The following FRMPD4 variants were observed in gnomAD, a reference collection of about 807,000 sequenced individuals.
FRMPD4 encodes FERM and PDZ domain containing 4, also known as FERM and PDZ domain-containing protein 4.
Under a neutral mutation model 94.1 loss-of-function variants are expected in FRMPD4, and 22 were observed. The observed-to-expected ratio is 0.23, with a 90% CI of 0.17 to 0.33. The LOEUF is 0.33. Among genes scored for constraint, FRMPD4 ranks in the 10% least tolerant of loss-of-function variants. FRMPD4 has a pLI of 1.00. For synonymous variants in FRMPD4, 631 were observed against 548.6 expected, an observed-to-expected ratio of 1.15 and a Z score of -2.10; for missense variants, 1,111 against 1,339.9, an observed-to-expected ratio of 0.83 and a Z score of 2.67.
intron 3 of FRMPD4, among the ~76,000 whole-genome samples, chrX:12,080,116 A>G (rs766326381): frequency 8.9e-6 from 1 of 112,329 alleles, no homozygotes; most frequent in African/African-American, 3.2e-5. Flanking sequence ...AGAGGATGAT[A>G]GCATTATTTG....
intron 1 of FRMPD4, among the ~76,000 whole-genome samples, chrX:11,854,597 G>A (rs1303705147): frequency 8.9e-6 from 1 of 112,215 alleles, no homozygotes; most frequent in Non-Finnish European, 1.9e-5. Context: ...CAAAACAAAG[G>A]GGCTACAAGC....
intron 1 of FRMPD4, among the ~76,000 whole-genome samples, chrX:12,392,389 G>T (rs1023623887): frequency 2.0e-5 from 2 of 102,361 alleles, no homozygotes; most frequent in African/African-American, 7.0e-5. Context: ...GGTGGCTCAC[G>T]CCTGTAATCC....
chrX:12,592,738 G>T (rs1021618989), intron 2 of FRMPD4, among the ~76,000 whole-genome samples: 1 of 111,679 alleles, frequency 9.0e-6, no homozygotes, highest in Non-Finnish European at 1.9e-5. Context: ...CTTATTTATA[G>T]GTTGATTTAA....
chrX:12,481,704 G>C (rs1197459969), intron 1 of FRMPD4, among the ~76,000 whole-genome samples: 1 of 108,826 alleles, frequency 9.2e-6, no homozygotes. Flanking sequence ...CACTTTGGGA[G>C]GCTGAGGCGG....
intron 9 of FRMPD4, among the ~76,000 whole-genome samples, chrX:12,696,194 A>G (rs1323434025): frequency 8.9e-6 from 1 of 112,263 alleles, no homozygotes. Context: ...TGCTTAAATT[A>G]TTCTGTAAAA....
chrX:11,954,461 G>A (rs775304889), intron 3 of FRMPD4, among the ~76,000 whole-genome samples: 2 of 112,145 alleles, frequency 1.8e-5, no homozygotes, highest in Non-Finnish European at 3.8e-5. Context: ...CTAAGAGGGT[G>A]TTCACAGGTT....
chrX:12,423,391 C>T (rs2056909581), intron 1 of FRMPD4, among the ~76,000 whole-genome samples: 1 of 111,457 alleles, frequency 9.0e-6, no homozygotes, highest in Admixed American at 9.5e-5. Context: ...TAGTTCCTCC[C>T]AAAGGTCTTG....
At chrX:12,242,980 C>T (rs1018673590) in intron 1 of FRMPD4, among the ~76,000 whole-genome samples, 8 of 112,603 alleles carry the variant, frequency 7.1e-5, no homozygotes, top group Non-Finnish European at 1.3e-4. Context: ...CTCAAGCAAT[C>T]CTCCTTCCTT....
At chrX:12,053,443 G>GAGAAAGAA (rs2054836244) in intron 3 of FRMPD4, among the ~76,000 whole-genome samples, 1 of 98,892 alleles carries the variant, frequency 1.0e-5, no homozygotes, top group African/African-American at 3.7e-5. Context: ...AAAGAAAGAA[G>GAGAAAGAA]AGAAGAGAAG....
chrX:12,674,363 C>T (rs1291953682), intron 4 of FRMPD4, among the ~76,000 whole-genome samples: 1 of 111,654 alleles, frequency 9.0e-6, no homozygotes, highest in East Asian at 2.8e-4. Flanking sequence ...CCTACAATAA[C>T]ATTTTTGTCT....
intron 16 of FRMPD4, among the ~76,000 whole-genome samples, chrX:12,720,100 G>GAAGA (rs1237166100): frequency 8.3e-5 from 9 of 108,262 alleles, no homozygotes; most frequent in Non-Finnish European, 1.5e-4. Flanking sequence ...AAGAAAGGAG[G>GAAGA]AAGAAAGAAA....
At chrX:12,102,705 G>T (rs929163396) in intron 3 of FRMPD4, among the ~76,000 whole-genome samples, 3 of 110,960 alleles carry the variant, frequency 2.7e-5, no homozygotes, top group Non-Finnish European at 5.7e-5. Context: ...GTTCATGCAT[G>T]TCTCAGAATC....
At position 12,066,871 on chromosome X, in the gene FRMPD4, G is replaced by GTTTTTTTTTTTTT. The variant is rs201251837; in HGVS notation, c.95+188858_95+188859insTTTTTTTTTTTTT. Among the ~76,000 whole-genome samples the GTTTTTTTTTTTTT allele has an allele frequency of 9.8e-4, 98 of 100,043 alleles. 1 individual carries two copies. The highest frequency in any genetic ancestry group is 6.4e-3 in the East Asian group (19 of 2,960). 86.9% of individuals were successfully genotyped at this position (100,043 alleles called of 115,157 possible). ...AGCAGTCCCCAAGTTTTTTGTTTTT[G>GTTTTTTTTTTTTT]TTTTTGTTTTTTTTTTGAGACATAG... On this transcript the variant is annotated intron_variant, in intron 3 of 18. Coordinates refer to the FRMPD4 transcript ENST00000640291.
At chrX:11,964,224 A>C (rs1223216862) in intron 3 of FRMPD4, among the ~76,000 whole-genome samples, 1 of 109,510 alleles carries the variant, frequency 9.1e-6, no homozygotes, top group African/African-American at 3.3e-5. Flanking sequence ...TGGTGGCGCA[A>C]TCTCGGCTCA....
rs774108782 is a variant in FRMPD4, at chrX:12,242,384, G to T, written c.41+103372G>T. Among the ~76,000 whole-genome samples, 8 of 111,528 alleles carry T rather than the reference G, an allele frequency of 7.2e-5. No individual in the cohort carries two copies. The East Asian group carries it at 2.3e-3, about 31-fold the overall frequency. On this transcript the variant is annotated intron_variant, in intron 1 of 16. Coordinates refer to ENST00000675598, the MANE Select transcript of FRMPD4 (RefSeq NM_001368397.1). The stretch of plus-strand genomic sequence containing the variant: ...ATTGAATGGTGAGTTTACATGCAAG[G>T]AGTCTCTATTACTTTATTTTAAACA...
At chrX:11,978,160 A>C (rs1274080272) in intron 3 of FRMPD4, among the ~76,000 whole-genome samples, 3 of 107,906 alleles carry the variant, frequency 2.8e-5, no homozygotes, top group Non-Finnish European at 5.8e-5. Context: ...ATCTCTACTA[A>C]AAATACAAAA....
At chrX:12,446,545 G>A (rs1304230128) in intron 1 of FRMPD4, among the ~76,000 whole-genome samples, 1 of 111,700 alleles carries the variant, frequency 9.0e-6, no homozygotes, top group Admixed American at 9.4e-5. Flanking sequence ...GTGGGACCTG[G>A]TGGGAGATAA....
chrX:12,355,892 G>A (rs1448234169), intron 1 of FRMPD4, among the ~76,000 whole-genome samples: 1 of 111,782 alleles, frequency 8.9e-6, no homozygotes, highest in African/African-American at 3.3e-5. Flanking sequence ...GAGAAGGAAC[G>A]TCAAAGTGAT....
chrX:12,485,059 G>A (rs5978537), intron 1 of FRMPD4, among the ~76,000 whole-genome samples: 37,856 of 111,046 alleles, frequency 0.34, 5,728 homozygotes, highest in African/African-American at 0.6. Context: ...AGCAGCCATA[G>A]ATGATACTTA....
Sources: allele counts gnomAD v4.1 joint callset (sites outside exome capture counted in the v4.1 genomes callset), GRCh38; gene constraint gnomAD v4.1.1; transcripts MANE v1.5; gene names NCBI Gene and HGNC (gene_info 2026-07-23, HGNC 2026-07-21).